The following ANKRD24 variants were observed in gnomAD, a reference collection of about 807,000 sequenced individuals.
ANKRD24 encodes ankyrin repeat domain 24.
ANKRD24 carries 109 observed loss-of-function variants against 127.8 expected under a neutral mutation model. That is an observed-to-expected ratio of 0.85 (90% CI 0.73 to 1.00). The LOEUF (loss-of-function observed/expected upper bound fraction) is 1.00, where lower values mean the gene tolerates loss of function less well. Ranked by LOEUF, ANKRD24 falls within the 50% of genes least tolerant of loss-of-function variation. ANKRD24 has a pLI of 0.00. For missense variants in ANKRD24, 1,648 were observed against 1,570.2 expected (o/e 1.05, Z -0.84); for synonymous variants, 743 against 671.1 (o/e 1.11, Z -1.66).
At chr19:4,190,587 G>T (rs352498) in intron 2 of ANKRD24, among the ~76,000 whole-genome samples, 78,784 of 151,556 alleles carry the variant, frequency 0.52, 21,293 homozygotes, top group African/African-American at 0.67. Flanking sequence ...TAGCCAGGCA[G>T]CCGGGCATGG....
At chr19:4,187,437 G>A (rs1395602351) in intron 2 of ANKRD24, among the ~76,000 whole-genome samples, 1 of 146,792 alleles carries the variant, frequency 6.8e-6, no homozygotes, top group Non-Finnish European at 1.5e-5. Context: ...AAAGAAAAAG[G>A]GAAGGGGAGT....
rs767428132 is a variant in ANKRD24, at chr19:4,202,829, G to A, written c.409-40G>A. On this transcript the variant is annotated intron_variant, in intron 6 of 21. Coordinates refer to ENST00000318934, the MANE Select transcript of ANKRD24 (RefSeq NM_001393985.1). ...CAGTCCTAGAGAAATCAGGCAGCAA[G>A]AAGGATGGCTCCGCCTCAAAGGACT... 5 of 1,558,872 alleles carry A rather than the reference G, an allele frequency of 3.2e-6. No homozygotes were observed. The East Asian group carries it at 9.6e-5, about 30-fold the overall frequency.
At position 4,199,379 on chromosome 19, in the gene ANKRD24, G is replaced by T. The variant is rs1452890244; in HGVS notation, c.37-304G>T. ...GCATGAGCCACCATGCCCCGCTGAT[G>T]ATTTTTATTTTTTGTAGAGACGGGG... On this transcript the variant is annotated intron_variant, in intron 2 of 21. Coordinates refer to ENST00000318934, the MANE Select transcript of ANKRD24 (RefSeq NM_001393985.1). The surrounding 1 kb of genome is among the most constrained non-coding windows in gnomAD (Gnocchi z 5.2). 2 of 458,218 alleles carry T rather than the reference G, an allele frequency of 4.4e-6. No homozygotes were observed. The highest frequency in any genetic ancestry group is 4.3e-5 in the African/African-American group (2 of 46,902). The allele number at this position is 458,218 out of a possible 1,614,324, so 28.4% of individuals were successfully genotyped here. A position where few individuals can be genotyped will look rare whatever the true frequency, so the allele number is the denominator to read the frequency against.
At chr19:4,185,969 G>A (rs1373281616) in intron 1 of ANKRD24, among the ~76,000 whole-genome samples, 1 of 152,172 alleles carries the variant, frequency 6.6e-6, no homozygotes, top group Admixed American at 6.5e-5. Flanking sequence ...TGAAGGATGA[G>A]TAGGAGTTCA....
chr19:4,195,167 G>A lies in ANKRD24; in HGVS notation c.37-4516G>A, dbSNP rs1166421607. On this transcript the variant is annotated intron_variant, in intron 2 of 21. Coordinates refer to ENST00000318934, the MANE Select transcript of ANKRD24 (RefSeq NM_001393985.1). This position sits in a 1 kb window ranked among gnomAD's most constrained non-coding sequence, Gnocchi z 4.2. The stretch of plus-strand genomic sequence containing the variant: ...TGCTCACTGCAAGCTCCGCCTCCCG[G>A]GTGCACGCCATTCTCCTGCCTCAGT... Among the ~76,000 whole-genome samples the A allele has an allele frequency of 6.6e-6, 1 of 151,436 alleles. No individual in the cohort carries two copies. The highest frequency in any genetic ancestry group is 1.9e-4 in the East Asian group (1 of 5,146).
At position 4,195,225 on chromosome 19, in the gene ANKRD24, A is replaced by C. The variant is rs142230085; in HGVS notation, c.37-4458A>C. ...GTAGCTGGGACTACAGGCGCCCACC[A>C]CCACGCCCGGCTAATTTTTTGTATT... On this transcript the variant is annotated intron_variant, in intron 2 of 21. Transcript: ENST00000318934. This position sits in a 1 kb window ranked among gnomAD's most constrained non-coding sequence, Gnocchi z 4.2. 6.6e-6 allele frequency among the ~76,000 whole-genome samples: 1 copy of C among 151,770 alleles called. No homozygotes were observed. The highest frequency in any genetic ancestry group is 1.5e-5 in the Non-Finnish European group (1 of 67,970).
chr19:4,200,079 C>A lies in ANKRD24; in HGVS notation c.255-4C>A. On this transcript the variant is annotated splice_region_variant and splice_polypyrimidine_tract_variant and intron_variant, in intron 4 of 21. Transcript: ENST00000318934. Reference sequence around the variant, plus strand: ...GCGGCTGAACCCTTGTCTCTCACCTCCAGGTTCCACCTGGCGGCCATGCGG... The same window carrying A: ...GCGGCTGAACCCTTGTCTCTCACCTACAGGTTCCACCTGGCGGCCATGCGG... 1 of 1,584,128 alleles carries A rather than the reference C, an allele frequency of 6.3e-7. No homozygotes were observed. Among genetic ancestry groups the A allele is most frequent in the East Asian group, 2.3e-5 (1 of 43,298 alleles).
intron 10 of ANKRD24, 104 bp from the exon 11 acceptor site, chr19:4,208,660 G>T: frequency 8.7e-7 from 1 of 1,154,930 alleles, no homozygotes; most frequent in South Asian, 1.4e-5. Context: ...TAAACGCCCT[G>T]ATTCTTGGGG....
At chr19:4,221,490 A>T (rs1181883906) in intron 19 of ANKRD24, among the ~76,000 whole-genome samples, 1 of 152,068 alleles carries the variant, frequency 6.6e-6, no homozygotes, top group Non-Finnish European at 1.5e-5. Flanking sequence ...TCAGCCTCCC[A>T]AAGTGGTAGG....
chr19:4,221,633 A>G (rs1024531194), intron 19 of ANKRD24, among the ~76,000 whole-genome samples: 3 of 152,174 alleles, frequency 2.0e-5, no homozygotes, highest in Non-Finnish European at 4.4e-5. Flanking sequence ...ACAGGAGACG[A>G]GACACCCAGA....
intron 1 of ANKRD24, among the ~76,000 whole-genome samples, chr19:4,183,632 A>G (rs1050442727): frequency 1.3e-5 from 2 of 151,884 alleles, no homozygotes; most frequent in South Asian, 2.1e-4. Context: ...AAAGTGAGTG[A>G]GCCGGGCGCA....
Position 4,217,774 on chromosome 19 carries a change from G to A in ANKRD24, c.2614G>A (p.Ala872Thr), listed in dbSNP as rs1213168229. 9 of 1,305,812 alleles carry A rather than the reference G, an allele frequency of 6.9e-6. No individual in the cohort carries two copies. The highest frequency in any genetic ancestry group is 2.0e-5 in the South Asian group (1 of 50,756). The allele number at this position is 1,305,812 out of a possible 1,614,324, so 80.9% of individuals were successfully genotyped here. Residue 872 changes from alanine to threonine, a missense_variant, in exon 18 of 22, where the codon GCG (alanine) becomes ACG (threonine). By Grantham distance (58) the Ala-to-Thr change is moderately conservative. Transcript: ENST00000318934. ...ATGEQQRTAA[A>T]ELGRARDAAE... ...GGGGGAGCAGCAGCGCACGGCGGCC[G>A]CGGAACTGGGCCGGGCACGGGACGC...
intron 2 of ANKRD24, among the ~76,000 whole-genome samples, chr19:4,193,297 C>CGAAAAAAAA (rs1296586858): frequency 1.1e-5 from 1 of 90,736 alleles, no homozygotes. Context: ...GCGACTCCAT[C>CGAAAAAAAA]AAAAAAAAAA....
Position 4,219,608 on chromosome 19 carries a change from G to A in ANKRD24, c.3021G>A (p.Leu1007=). The A allele has an allele frequency of 2.5e-6, 4 of 1,612,712 alleles. No homozygotes were observed. Among genetic ancestry groups the A allele is most frequent in the Non-Finnish European group, 3.4e-6 (4 of 1,178,958 alleles). ...GGCCACAGGTGCAGCGTGAGGCCCT[G>A]TTCATGAAGAGTGAGCGACACGCAG... ...AEVFQVQREA[L]FMKSERHAAE... is the part of the protein sequence containing the mutation. The change falls in exon 19 of 22, where the codon CTG becomes CTA. Residue 1007 remains leucine, a synonymous_variant. Transcript: ENST00000318934.
chr19:4,212,179 G>A (rs543514981), intron 13 of ANKRD24, among the ~76,000 whole-genome samples: 17 of 151,992 alleles, frequency 1.1e-4, no homozygotes, highest in Admixed American at 2.0e-4. Flanking sequence ...CAGCCTGGGG[G>A]ACAGAGTGAG....
At chr19:4,203,087 G>A (rs1016400437) in intron 7 of ANKRD24, among the ~76,000 whole-genome samples, 161 bp downstream of exon 7, 1 of 149,530 alleles carries the variant, frequency 6.7e-6, no homozygotes, top group African/African-American at 2.5e-5. Context: ...TCACTCTGTT[G>A]CCCAGGCTGG....
chr19:4,188,060 G>A (rs1968167527), intron 2 of ANKRD24, among the ~76,000 whole-genome samples: 1 of 152,026 alleles, frequency 6.6e-6, no homozygotes, highest in Admixed American at 6.6e-5. Flanking sequence ...GAACAAGCCT[G>A]GATTTCATTT....
chr19:4,210,544 C>T (rs1379337322), intron 13 of ANKRD24, among the ~76,000 whole-genome samples, 172 bp downstream of exon 13: 2 of 151,962 alleles, frequency 1.3e-5, no homozygotes, highest in Non-Finnish European at 2.9e-5. Flanking sequence ...CGCAGTCCTG[C>T]CTCAGGGCCT....
intron 7 of ANKRD24, among the ~76,000 whole-genome samples, chr19:4,206,010 C>T (rs1969359723): frequency 6.6e-6 from 1 of 151,100 alleles, no homozygotes; most frequent in Non-Finnish European, 1.5e-5. Context: ...GGTGTGGTGG[C>T]GGGCGCCTGT....
Sources: allele counts gnomAD v4.1 joint callset (sites outside exome capture counted in the v4.1 genomes callset), GRCh38; gene constraint gnomAD v4.1.1; non-coding constraint Gnocchi (gnomAD v3.1); transcripts MANE v1.5; gene names NCBI Gene and HGNC (gene_info 2026-07-23, HGNC 2026-07-21).